Variants in PARN observed in about 807,000 individuals in gnomAD.
The protein encoded by PARN is poly(A)-specific ribonuclease PARN.
In PARN, 71 loss-of-function variants were observed where a neutral mutation model predicts 102.8. That is an observed-to-expected ratio of 0.69 (90% confidence interval 0.57 to 0.84). The LOEUF (loss-of-function observed/expected upper bound fraction) is 0.84, where lower values mean the gene tolerates loss of function less well. PARN is among the 40% of genes least tolerant of loss of function. PARN has a pLI of 0.00. For missense variants in PARN, 782 were observed against 760.9 expected (o/e 1.03, Z -0.33); for synonymous variants, 261 against 252.9 (o/e 1.03, Z -0.30).
chr16:14,593,454 T>C, intron 12 of PARN, 76 bp from the exon 13 acceptor site: 1 of 436,150 alleles, frequency 2.3e-6, no homozygotes, highest in South Asian at 2.3e-5. Flanking sequence ...ATAGTTCAGA[T>C]TCCAAGAGGA....
chr16:14,608,249 A>C (rs1360086106), intron 9 of PARN, 32 bp downstream of exon 9: 7 of 1,468,314 alleles, frequency 4.8e-6, no homozygotes, highest in Non-Finnish European at 6.5e-6. Flanking sequence ...TGGGTCCCCC[A>C]CAGAGCTGCT....
intron 22 of PARN, among the ~76,000 whole-genome samples, chr16:14,465,451 GC>G (rs1319741395): frequency 3.9e-5 from 6 of 152,144 alleles, no homozygotes; most frequent in Non-Finnish European, 8.8e-5. Flanking sequence ...AATGTTGCAT[GC>G]TGTTAATAAC....
chr16:14,527,073 A>G (rs1260177578), intron 21 of PARN, among the ~76,000 whole-genome samples: 1 of 152,238 alleles, frequency 6.6e-6, no homozygotes, highest in African/African-American at 2.4e-5. Flanking sequence ...TATAGAGGTC[A>G]ATGGTTTGGA....
At chr16:14,558,094 T>C (rs907370855) in intron 18 of PARN, among the ~76,000 whole-genome samples, 1 of 152,210 alleles carries the variant, frequency 6.6e-6, no homozygotes, top group Non-Finnish European at 1.5e-5. Flanking sequence ...AATTTAGAAA[T>C]AGTCTCCAAT....
intron 22 of PARN, among the ~76,000 whole-genome samples, chr16:14,480,397 C>A (rs1034254183): frequency 6.6e-6 from 1 of 152,026 alleles, no homozygotes; most frequent in South Asian, 2.1e-4. Flanking sequence ...AATAGGTAAA[C>A]CACAGAATTG....
chr16:14,484,199 C>A (rs1963534970), intron 21 of PARN, among the ~76,000 whole-genome samples: 1 of 152,208 alleles, frequency 6.6e-6, no homozygotes, highest in Non-Finnish European at 1.5e-5. Flanking sequence ...CTTAATCCCC[C>A]CTTGGTGTTA....
At chr16:14,456,637 C>G (rs1433673331) in intron 22 of PARN, among the ~76,000 whole-genome samples, 2 of 152,136 alleles carry the variant, frequency 1.3e-5, no homozygotes, top group East Asian at 3.9e-4. Context: ...CATGTACACT[C>G]CCATTTTGCA....
At chr16:14,456,961 G>GA (rs36055809) in intron 22 of PARN, among the ~76,000 whole-genome samples, 1 of 152,014 alleles carries the variant, frequency 6.6e-6, no homozygotes, top group Admixed American at 6.6e-5. Context: ...TCTGTCACTA[G>GA]AATGTACGTT....
intron 21 of PARN, among the ~76,000 whole-genome samples, chr16:14,531,188 T>C (rs962195771): frequency 3.9e-5 from 6 of 151,950 alleles, no homozygotes; most frequent in African/African-American, 1.5e-4. Flanking sequence ...TATCAAAAAA[T>C]ACAAAAATTA....
At chr16:14,611,824 G>A (rs1051611646) in intron 6 of PARN, among the ~76,000 whole-genome samples, 9 of 152,048 alleles carry the variant, frequency 5.9e-5, no homozygotes, top group East Asian at 1.9e-4. Flanking sequence ...CGGGAGCCAC[G>A]GCCACCGCGC....
chr16:14,606,768 T>A (rs1388750384), intron 9 of PARN, among the ~76,000 whole-genome samples: 1 of 151,904 alleles, frequency 6.6e-6, no homozygotes, highest in Non-Finnish European at 1.5e-5. Context: ...TTTTTAGGAC[T>A]TAGGTATTTT....
chr16:14,445,787 C>T (rs979006969), intron 23 of PARN, among the ~76,000 whole-genome samples: 1 of 152,188 alleles, frequency 6.6e-6, no homozygotes, highest in Non-Finnish European at 1.5e-5. Flanking sequence ...TGGTCTTGAA[C>T]TCCTGACCTC....
chr16:14,476,416 G>A (rs902197493), intron 22 of PARN, among the ~76,000 whole-genome samples: 2 of 152,172 alleles, frequency 1.3e-5, no homozygotes, highest in African/African-American at 4.8e-5. Flanking sequence ...TCCAGAGCAA[G>A]GGTCAACTTT....
At chr16:14,451,869 C>CAAA (rs869041563) in intron 22 of PARN, among the ~76,000 whole-genome samples, 13 of 52,498 alleles carry the variant, frequency 2.5e-4, no homozygotes, top group Admixed American at 2.8e-4. Flanking sequence ...AAAAAAAATA[C>CAAA]AAAAAAAAAA....
At chr16:14,553,059 TATC>T (rs1195170831) in intron 20 of PARN, among the ~76,000 whole-genome samples, 1 of 151,958 alleles carries the variant, frequency 6.6e-6, no homozygotes, top group Non-Finnish European at 1.5e-5. Flanking sequence ...TGTACTGTAT[TATC>T]AGTGCAGGAG....
chr16:14,614,927 G>A (rs527651080), intron 6 of PARN, among the ~76,000 whole-genome samples: 2 of 150,128 alleles, frequency 1.3e-5, no homozygotes, highest in East Asian at 3.9e-4. Flanking sequence ...GGGAAACAAG[G>A]AGGACACCTA....
intron 15 of PARN, 138 bp downstream of exon 15, chr16:14,584,611 A>G: frequency 3.9e-6 from 3 of 762,512 alleles, no homozygotes; most frequent in Non-Finnish European, 6.6e-6. Context: ...TATAATATAC[A>G]AAGTATAACC....
At chr16:14,600,720 C>T (rs1200251652) in intron 11 of PARN, among the ~76,000 whole-genome samples, 7 of 152,070 alleles carry the variant, frequency 4.6e-5, no homozygotes, top group East Asian at 1.9e-4. Context: ...CACTTGAGGT[C>T]GGGAGTTCGA....
chr16:14,457,212 T>TG (rs1255532769), intron 22 of PARN, among the ~76,000 whole-genome samples: 1 of 152,210 alleles, frequency 6.6e-6, no homozygotes, highest in Non-Finnish European at 1.5e-5. Flanking sequence ...CTAGGCTGAA[T>TG]GAAAGCACAT....
Sources: gnomAD v4.1 joint callset for allele counts (sites outside exome capture counted in the v4.1 genomes callset) on GRCh38, gnomAD v4.1.1 for gene constraint, MANE v1.5 for transcripts, NCBI Gene and HGNC (gene_info 2026-07-23, HGNC 2026-07-21) for gene names.